Variants in TRAK1 observed in about 807,000 individuals in gnomAD.
TRAK1 encodes the protein trafficking kinesin-binding protein 1.
In TRAK1, 33 loss-of-function variants were observed where a neutral mutation model predicts 92.1. The ratio of observed to expected loss-of-function variants is 0.36; its 90% CI spans 0.27 to 0.48. The LOEUF (loss-of-function observed/expected upper bound fraction) is 0.48. Among genes scored for constraint, TRAK1 ranks in the 20% least tolerant of loss-of-function variants. The probability of loss-of-function intolerance (pLI) is 0.99; values close to 1 mark genes in which losing one functional copy is unlikely to be tolerated. For synonymous variants in TRAK1, 521 were observed against 517.3 expected, an observed-to-expected ratio of 1.01 and a Z score of -0.10; for missense variants, 1,123 against 1,257.9, an observed-to-expected ratio of 0.89 and a Z score of 1.62.
intron 1 of TRAK1, among the ~76,000 whole-genome samples, chr3:42,052,435 TG>T (rs1349188558): frequency 6.6e-6 from 1 of 152,176 alleles, no homozygotes; most frequent in Non-Finnish European, 1.5e-5. Context: ...CTTCTGGGTT[TG>T]GGGGTTGCTC....
At chr3:42,116,940 C>A (rs1709241827) in intron 1 of TRAK1, among the ~76,000 whole-genome samples, 1 of 152,098 alleles carries the variant, frequency 6.6e-6, no homozygotes, top group Admixed American at 6.6e-5. Flanking sequence ...GAGTGTGGCG[C>A]CAGGATGGAA....
chr3:42,215,627 G>C (rs1369340843), intron 14 of TRAK1, among the ~76,000 whole-genome samples: 2 of 152,186 alleles, frequency 1.3e-5, no homozygotes, highest in Non-Finnish European at 2.9e-5. Context: ...CAGGGTCATA[G>C]GGTTTATTTT....
At chr3:42,140,930 A>G (rs1698570160) in intron 2 of TRAK1, among the ~76,000 whole-genome samples, 1 of 152,172 alleles carries the variant, frequency 6.6e-6, no homozygotes, top group Non-Finnish European at 1.5e-5. Flanking sequence ...TGCTAGCAGT[A>G]AGGTGGAGCA....
Position 42,200,758 on chromosome 3 carries a change from G to A in TRAK1, c.1191-60G>A, listed in dbSNP as rs951852020. 20 of 1,572,858 alleles carry A rather than the reference G, an allele frequency of 1.3e-5. No individual in the cohort carries two copies. The African/African-American group carries it at 2.3e-4, about 18-fold the overall frequency. ...TGGCTCAGTTGATCATTTTTGGAGG[G>A]TTAAACTCCAGGGTTGTGCCCGCAT... On this transcript the variant is annotated intron_variant, in intron 11 of 15. Coordinates refer to ENST00000327628, the MANE Select transcript of TRAK1 (RefSeq NM_001042646.3).
rs764620575 is a variant in TRAK1, at chr3:42,193,127, G to A, written c.822G>A (p.Thr274=). 9 of 1,614,190 alleles carry A rather than the reference G, an allele frequency of 5.6e-6. No homozygotes were observed. The highest frequency in any genetic ancestry group is 5.5e-5 in the South Asian group (5 of 91,084). ...ASISEELAKK[T]EDAARQQEEI... ...TCTCAGAGGAACTGGCCAAGAAGAC[G>A]GAAGATGCTGCCCGCCAGCAAGAGG... Residue 274 remains threonine, a synonymous_variant, in exon 8 of 16, where the codon ACG becomes ACA. Transcript: ENST00000327628.
At chr3:42,060,051 G>GTTT (rs1156384961) in intron 1 of TRAK1, among the ~76,000 whole-genome samples, 1 of 151,852 alleles carries the variant, frequency 6.6e-6, no homozygotes, top group African/African-American at 2.4e-5. Context: ...AAAACATTCT[G>GTTT]TTTTTTTCCC....
Position 42,152,412 on chromosome 3 carries a change from G to T in TRAK1, c.287-24402G>T. 1.3e-5 allele frequency among the ~76,000 whole-genome samples: 2 copies of T among 152,134 alleles called. 1 individual carries two copies. The highest frequency in any genetic ancestry group is 3.8e-4 in the East Asian group (2 of 5,198). On this transcript the variant is annotated intron_variant, in intron 2 of 15. Transcript: ENST00000327628. Reference sequence around the variant, plus strand: ...CAGTTTAAACTCTGGTGTCAGACAGGGTCATAGTTACCCCGATTGGATGCA... The same window carrying T: ...CAGTTTAAACTCTGGTGTCAGACAGTGTCATAGTTACCCCGATTGGATGCA...
chr3:42,027,919 G>A (rs897539283), intron 1 of TRAK1, among the ~76,000 whole-genome samples: 1 of 152,090 alleles, frequency 6.6e-6, no homozygotes, highest in Non-Finnish European at 1.5e-5. Context: ...GTGCGATCTT[G>A]GCTCACTGCA....
At chr3:42,138,489 C>T (rs1698232748) in intron 2 of TRAK1, among the ~76,000 whole-genome samples, 2 of 151,856 alleles carry the variant, frequency 1.3e-5, no homozygotes, top group African/African-American at 4.8e-5. Context: ...TCCATAAAAA[C>T]AAAACAAGAT....
intron 1 of TRAK1, among the ~76,000 whole-genome samples, chr3:42,116,697 C>T (rs1576439886): frequency 6.6e-6 from 1 of 152,158 alleles, no homozygotes; most frequent in Non-Finnish European, 1.5e-5. Context: ...GGGTTATTGC[C>T]TCTAGCCAGA....
At chr3:42,035,003 C>G (rs1702274712) in intron 1 of TRAK1, among the ~76,000 whole-genome samples, 1 of 152,200 alleles carries the variant, frequency 6.6e-6, no homozygotes, top group South Asian at 2.1e-4. Context: ...CATTGCTCTT[C>G]TCCTACTTCA....
intron 2 of TRAK1, among the ~76,000 whole-genome samples, chr3:42,159,368 G>C (rs1253447731): frequency 1.3e-5 from 2 of 152,306 alleles, no homozygotes; most frequent in Non-Finnish European, 2.9e-5. Flanking sequence ...ATTACAGAAT[G>C]AGCTGTGATT....
intron 2 of TRAK1, among the ~76,000 whole-genome samples, chr3:42,148,964 G>T (rs952287159): frequency 6.6e-6 from 1 of 152,104 alleles, no homozygotes; most frequent in African/African-American, 2.4e-5. Context: ...GTTTCTTGAA[G>T]GTGATGATGG....
intron 2 of TRAK1, among the ~76,000 whole-genome samples, chr3:42,156,169 G>A (rs760264075): frequency 2.4e-4 from 37 of 152,328 alleles, no homozygotes; most frequent in Non-Finnish European, 3.8e-4. Flanking sequence ...GGATTCCCAG[G>A]CTTTCTTGCC....
At chr3:42,070,290 TATTA>T (rs1401913714) in intron 1 of TRAK1, among the ~76,000 whole-genome samples, 1 of 148,390 alleles carries the variant, frequency 6.7e-6, no homozygotes, top group African/African-American at 2.4e-5. Flanking sequence ...ATTATAATTA[TATTA>T]ATTATAAATA....
Position 42,222,654 on chromosome 3 carries a change from C to T in TRAK1, c.2067-288C>T, listed in dbSNP as rs371116553. Among the ~76,000 whole-genome samples, 22 of 152,340 alleles carry T rather than the reference C, an allele frequency of 1.4e-4. No individual in the cohort carries two copies. In the East Asian group the frequency reaches 2.9e-3, roughly 20 times the overall value. On this transcript the variant is annotated intron_variant, in intron 15 of 15. Coordinates refer to ENST00000327628, the MANE Select transcript of TRAK1 (RefSeq NM_001042646.3). ...ACAGCCAGATGTGACACCAAGTAAA[C>T]CCTTAGCTCTGAGCCTGTTTCTTCA...
chr3:42,147,501 T>C (rs1208990931), intron 2 of TRAK1, among the ~76,000 whole-genome samples: 1 of 152,212 alleles, frequency 6.6e-6, no homozygotes, highest in Non-Finnish European at 1.5e-5. Flanking sequence ...TTAACAATTT[T>C]AGCCAAAATT....
In TRAK1 at chr3:42,218,713, A is replaced by G. The variant is rs1192278483; in HGVS notation, c.1964-781A>G. The G allele has an allele frequency of 5.1e-6, 5 of 985,228 alleles. No individual in the cohort carries two copies. In the African/African-American group the frequency reaches 7.0e-5, roughly 14 times the overall value. 61.0% of individuals were successfully genotyped at this position (985,228 alleles called of 1,614,324 possible). On this transcript the variant is annotated intron_variant, in intron 14 of 15. Coordinates refer to ENST00000327628, the MANE Select transcript of TRAK1 (RefSeq NM_001042646.3). ...CAGCAATAACTTGTTAGAACATTAAAAGGAAGTAAATTGAGAACAACTTGT... is the reference window on the plus strand; with the variant it reads ...CAGCAATAACTTGTTAGAACATTAAGAGGAAGTAAATTGAGAACAACTTGT...
intron 1 of TRAK1, among the ~76,000 whole-genome samples, chr3:42,115,284 A>G (rs894252704): frequency 6.6e-6 from 1 of 152,048 alleles, no homozygotes; most frequent in Non-Finnish European, 1.5e-5. Context: ...TAGTTGTGAC[A>G]TTTTGGGGCC....
Sources: gnomAD v4.1 joint callset for allele counts (sites outside exome capture counted in the v4.1 genomes callset) on GRCh38, gnomAD v4.1.1 for gene constraint, MANE v1.5 for transcripts, NCBI Gene and HGNC (gene_info 2026-07-23, HGNC 2026-07-21) for gene names.